The following STPG2 variants were observed in gnomAD, a reference collection of about 807,000 sequenced individuals.
STPG2 encodes sperm-tail PG-rich repeat-containing protein 2.
In STPG2, 56 loss-of-function variants were observed where a neutral mutation model predicts 54.2. The ratio of observed to expected loss-of-function variants is 1.03; its 90% confidence interval spans 0.83 to 1.29. The LOEUF (loss-of-function observed/expected upper bound fraction) is 1.29, where lower values mean the gene tolerates loss of function less well. STPG2 is among the 50% of genes most tolerant of loss of function. STPG2 has a pLI of 0.00. For synonymous variants in STPG2, 200 were observed against 181.8 expected, an observed-to-expected ratio of 1.10 and a Z score of -0.81; for missense variants, 596 against 544.9, an observed-to-expected ratio of 1.09 and a Z score of -0.93.
intron 2 of STPG2, among the ~76,000 whole-genome samples, chr4:98,130,950 A>AAAAG (rs1560693182): frequency 8.1e-6 from 1 of 123,120 alleles, no homozygotes; most frequent in Non-Finnish European, 1.8e-5. Flanking sequence ...CAAAAAAAAA[A>AAAAG]CGACTTTCCA....
intron 10 of STPG2, among the ~76,000 whole-genome samples, chr4:97,706,938 G>C (rs1026487838): frequency 6.6e-6 from 1 of 152,134 alleles, no homozygotes. Flanking sequence ...ATGAGGCTGA[G>C]AGATATTTTT....
At chr4:98,045,078 T>C (rs1156913685) in intron 5 of STPG2, among the ~76,000 whole-genome samples, 1 of 150,828 alleles carries the variant, frequency 6.6e-6, no homozygotes, top group Non-Finnish European at 1.5e-5. Flanking sequence ...GCCCAGCACC[T>C]TCCTACAGAG....
intron 9 of STPG2, among the ~76,000 whole-genome samples, chr4:97,744,317 T>A (rs1725358079): frequency 6.6e-6 from 1 of 151,248 alleles, no homozygotes; most frequent in Non-Finnish European, 1.5e-5. Flanking sequence ...AGCCCCTAGG[T>A]AATTATTGTG....
At chr4:97,506,019 C>CAAAAAAAAAAAAAAAAAAAAA (rs59206485) in intron 4 of STPG2, among the ~76,000 whole-genome samples, 1 of 16,922 alleles carries the variant, frequency 5.9e-5, no homozygotes, top group Non-Finnish European at 1.2e-4. Context: ...AATAGGAGAC[C>CAAAAAAAAAAAAAAAAAAAAA]AAAAAAAAAA....
intron 9 of STPG2, among the ~76,000 whole-genome samples, chr4:97,750,982 A>G (rs1288501435): frequency 6.6e-6 from 1 of 151,818 alleles, no homozygotes; most frequent in Non-Finnish European, 1.5e-5. Context: ...ACTTTAGAAA[A>G]CTGAATTCTC....
intron 10 of STPG2, among the ~76,000 whole-genome samples, chr4:97,709,972 G>A (rs1724062573): frequency 1.3e-5 from 2 of 151,750 alleles, no homozygotes; most frequent in Non-Finnish European, 2.9e-5. Flanking sequence ...TATAGTATTA[G>A]GTGCCAGATT....
At chr4:97,906,601 G>A (rs1731434636) in intron 8 of STPG2, among the ~76,000 whole-genome samples, 1 of 152,042 alleles carries the variant, frequency 6.6e-6, no homozygotes, top group Non-Finnish European at 1.5e-5. Context: ...GATGAACATT[G>A]ATGCAAAAAT....
intron 9 of STPG2, among the ~76,000 whole-genome samples, chr4:97,828,184 T>C (rs1293510292): frequency 2.6e-5 from 4 of 152,106 alleles, no homozygotes; most frequent in Admixed American, 6.5e-5. Context: ...TCCAACTGAG[T>C]ACCCAGTTCA....
chr4:98,026,250 T>A, intron 5 of STPG2: 1 of 901,016 alleles, frequency 1.1e-6, no homozygotes. Flanking sequence ...AGCTCAGGAG[T>A]GGGCTGCTGA....
intron 10 of STPG2, among the ~76,000 whole-genome samples, chr4:97,646,062 C>G (rs769717136): frequency 6.6e-6 from 1 of 152,046 alleles, no homozygotes; most frequent in Non-Finnish European, 1.5e-5. Context: ...TAGAGAAGAC[C>G]ATGGGCTCTA....
chr4:97,702,377 T>G (rs1226388969), intron 10 of STPG2, among the ~76,000 whole-genome samples: 2 of 152,186 alleles, frequency 1.3e-5, no homozygotes, highest in African/African-American at 4.8e-5. Context: ...TCTCCAGATT[T>G]CTGTTTATAT....
intron 3 of STPG2, among the ~76,000 whole-genome samples, chr4:98,111,446 T>G (rs563820361): frequency 6.6e-5 from 10 of 152,254 alleles, no homozygotes; most frequent in African/African-American, 2.4e-4. Flanking sequence ...CCCTAGTGAC[T>G]TTCTAGTTAG....
chr4:98,109,337 TG>T, intron 3 of STPG2, 32 bp from the exon 4 acceptor site: 1 of 1,485,506 alleles, frequency 6.7e-7, no homozygotes. Context: ...AAAGTGAGGA[TG>T]AAACATAGTT....
In STPG2 at chr4:97,513,158, T is replaced by C. The variant is rs151170961; in HGVS notation, c.462+199541A>G. On this transcript the variant is annotated intron_variant, in intron 4 of 4. Transcript: ENST00000522676. ...AATTTACTTACATTTAACCATTTAT[T>C]ATAAAGAATATTACGAAGGATAAAT... 4.2e-3 allele frequency among the ~76,000 whole-genome samples: 635 copies of C among 152,184 alleles called. 4 individuals carry two copies. Among genetic ancestry groups the C allele is most frequent in the South Asian group, 0.021 (99 of 4,828 alleles).
chr4:97,971,716 G>A (rs1264088759), intron 7 of STPG2, among the ~76,000 whole-genome samples: 1 of 151,994 alleles, frequency 6.6e-6, no homozygotes, highest in East Asian at 1.9e-4. Flanking sequence ...GTTGATGGGT[G>A]CAGGAAACCA....
intron 10 of STPG2, among the ~76,000 whole-genome samples, chr4:97,656,946 T>C (rs998108598): frequency 5.3e-5 from 8 of 152,010 alleles, no homozygotes; most frequent in Non-Finnish European, 1.2e-4. Context: ...TTGTTACACA[T>C]GATTTAAAAT....
chr4:97,753,869 T>C (rs1181418700), intron 9 of STPG2, among the ~76,000 whole-genome samples: 2 of 152,028 alleles, frequency 1.3e-5, no homozygotes, highest in Non-Finnish European at 2.9e-5. Context: ...TTTTTGTTGT[T>C]GTTGTTGTTT....
intron 10 of STPG2, among the ~76,000 whole-genome samples, chr4:97,629,088 CT>C (rs1721162483): frequency 6.6e-6 from 1 of 151,556 alleles, no homozygotes; most frequent in Admixed American, 6.6e-5. Context: ...GGTTAACTAC[CT>C]TAAATAAGTT....
At chr4:97,966,740 T>G (rs1014229232) in intron 7 of STPG2, among the ~76,000 whole-genome samples, 3 of 152,116 alleles carry the variant, frequency 2.0e-5, no homozygotes, top group Non-Finnish European at 4.4e-5. Flanking sequence ...AAAAGGATTT[T>G]CAACCCACAA....
Sources: allele counts gnomAD v4.1 joint callset (sites outside exome capture counted in the v4.1 genomes callset), GRCh38; gene constraint gnomAD v4.1.1; transcripts MANE v1.5; gene names NCBI Gene and HGNC (gene_info 2026-07-23, HGNC 2026-07-21).